The following CNTN5 variants were observed in gnomAD, a reference collection of about 807,000 sequenced individuals.
CNTN5 encodes the protein contactin-5.
CNTN5 carries 77 observed loss-of-function variants against 129.1 expected under a neutral mutation model. That is an observed-to-expected ratio of 0.60 (90% CI 0.50 to 0.72). The LOEUF is 0.72. CNTN5 is among the 30% of genes least tolerant of loss of function. CNTN5 has a pLI of 0.00. For missense variants in CNTN5, 1,478 were observed against 1,328.8 expected (o/e 1.11, Z -1.75); for synonymous variants, 509 against 465.6 (o/e 1.09, Z -1.20).
intron 1 of CNTN5, among the ~76,000 whole-genome samples, chr11:99,222,820 C>T (rs953315622): frequency 9.2e-5 from 14 of 152,104 alleles, no homozygotes; most frequent in African/African-American, 3.4e-4. Context: ...TCTTCCTTGT[C>T]TAGTCGCCAT....
chr11:99,877,283 G>A lies in CNTN5; in HGVS notation c.577+32021G>A, dbSNP rs116445814. On this transcript the variant is annotated intron_variant, in intron 6 of 24. Transcript: ENST00000524871. ...AAATAGTGGCTTAAATACACCGGCAGACAGATCTATCTTTAATTGAACTAC... is the reference window on the plus strand; with the variant it reads ...AAATAGTGGCTTAAATACACCGGCAAACAGATCTATCTTTAATTGAACTAC... Among the ~76,000 whole-genome samples the A allele has an allele frequency of 6.7e-3, 1,022 of 152,276 alleles. 12 individuals carry two copies. Among genetic ancestry groups the A allele is most frequent in the African/African-American group, 0.022 (915 of 41,556 alleles).
intron 1 of CNTN5, among the ~76,000 whole-genome samples, chr11:99,218,126 A>G (rs1860222078): frequency 6.6e-6 from 1 of 152,044 alleles, no homozygotes; most frequent in South Asian, 2.1e-4. Context: ...GCCAAATCTA[A>G]TGGTGGATTA....
chr11:99,755,182 T>C lies in CNTN5; in HGVS notation c.56-64362T>C, dbSNP rs141912609. Among the ~76,000 whole-genome samples, 950 of 152,322 alleles carry C rather than the reference T, an allele frequency of 6.2e-3. 14 individuals are homozygous for C. Among genetic ancestry groups the C allele is most frequent in the African/African-American group, 0.022 (912 of 41,584 alleles). On this transcript the variant is annotated intron_variant, in intron 3 of 24. Transcript: ENST00000524871. ...GTGTTAATTATGAATGAAACTGTTA[T>C]AAACAGCTGTGTACAGATTTTCGCA... is the stretch of plus-strand genomic sequence containing the variant.
Position 99,582,013 on chromosome 11 carries a change from C to A in CNTN5, c.55+25744C>A, listed in dbSNP as rs532015787. On this transcript the variant is annotated intron_variant, in intron 3 of 24. Coordinates refer to ENST00000524871, the MANE Select transcript of CNTN5 (RefSeq NM_014361.4). ...ACTTCCTTCAGGAGCTCTTTTAGGG[C>A]AGGCCTGGTGGTGACAAAATCTCTC... 5.3e-5 allele frequency among the ~76,000 whole-genome samples: 8 copies of A among 152,036 alleles called. No homozygotes were observed. The South Asian group carries it at 1.5e-3, about 28-fold the overall frequency.
intron 15 of CNTN5, among the ~76,000 whole-genome samples, chr11:100,215,959 G>T (rs527528001): frequency 6.6e-6 from 1 of 152,268 alleles, no homozygotes; most frequent in African/African-American, 2.4e-5. Context: ...TGAGACCAGA[G>T]ATCGAAGGTG....
chr11:99,836,280 C>T (rs1338816447), intron 4 of CNTN5, among the ~76,000 whole-genome samples: 4 of 150,118 alleles, frequency 2.7e-5, no homozygotes, highest in Admixed American at 2.7e-4. Context: ...TCTCCTAATG[C>T]TATCCCTCCC....
At chr11:99,036,784 A>G (rs1459934715) in intron 1 of CNTN5, among the ~76,000 whole-genome samples, 1 of 152,186 alleles carries the variant, frequency 6.6e-6, no homozygotes, top group Non-Finnish European at 1.5e-5. Flanking sequence ...AAAAGAAAGT[A>G]TGTTTTTATT....
At chr11:100,216,608 G>C (rs1209907722) in intron 15 of CNTN5, among the ~76,000 whole-genome samples, 2 of 151,674 alleles carry the variant, frequency 1.3e-5, no homozygotes, top group Non-Finnish European at 2.9e-5. Context: ...GTAAATGATG[G>C]CATGAGCAAA....
At chr11:99,751,659 T>C (rs551243585) in intron 3 of CNTN5, among the ~76,000 whole-genome samples, 1 of 152,306 alleles carries the variant, frequency 6.6e-6, no homozygotes, top group African/African-American at 2.4e-5. Context: ...TGTTATTTGC[T>C]CTGTAATAAT....
intron 2 of CNTN5, among the ~76,000 whole-genome samples, chr11:99,444,569 A>C (rs1943982930): frequency 6.6e-6 from 1 of 152,218 alleles, no homozygotes; most frequent in South Asian, 2.1e-4. Flanking sequence ...GCAGATACAA[A>C]ATCTACTGCT....
intron 21 of CNTN5, among the ~76,000 whole-genome samples, chr11:100,321,146 T>C (rs1163570724): frequency 6.6e-6 from 1 of 152,126 alleles, no homozygotes; most frequent in South Asian, 2.1e-4. Flanking sequence ...TTTTAGATAC[T>C]ATGGACATTT....
At chr11:99,989,967 G>A (rs936938590) in intron 8 of CNTN5, among the ~76,000 whole-genome samples, 12 of 152,040 alleles carry the variant, frequency 7.9e-5, no homozygotes, top group South Asian at 2.1e-4. Context: ...GGGTTTCACC[G>A]TGTTAGCCAA....
chr11:99,847,202 C>CT (rs1307613208), intron 6 of CNTN5, among the ~76,000 whole-genome samples: 1 of 152,140 alleles, frequency 6.6e-6, no homozygotes, highest in Non-Finnish European at 1.5e-5. Context: ...ATCATGCCAA[C>CT]TTTTTTCTGC....
At chr11:99,486,691 T>G (rs1420982498) in intron 2 of CNTN5, among the ~76,000 whole-genome samples, 1 of 152,204 alleles carries the variant, frequency 6.6e-6, no homozygotes, top group Non-Finnish European at 1.5e-5. Flanking sequence ...ACTATTTCTT[T>G]CAAATGCAAA....
At chr11:99,944,483 A>G (rs939599598) in intron 7 of CNTN5, among the ~76,000 whole-genome samples, 2 of 152,122 alleles carry the variant, frequency 1.3e-5, no homozygotes, top group African/African-American at 4.8e-5. Flanking sequence ...CACCACTTCT[A>G]TTCAATGTAG....
intron 8 of CNTN5, among the ~76,000 whole-genome samples, chr11:99,988,629 G>T (rs1938848101): frequency 6.6e-6 from 1 of 152,126 alleles, no homozygotes; most frequent in Non-Finnish European, 1.5e-5. Context: ...CAAGATTAAG[G>T]TCTGTAATAC....
intron 21 of CNTN5, among the ~76,000 whole-genome samples, chr11:100,329,686 C>T (rs1951863591): frequency 6.6e-6 from 1 of 152,182 alleles, no homozygotes; most frequent in African/African-American, 2.4e-5. Flanking sequence ...AGCCAGAATA[C>T]CAGTAGCCCT....
rs200006045 is a variant in CNTN5 at position 99,310,827 on chromosome 11, ACTCT to A, written c.-209-14516_-209-14513del. Among the ~76,000 whole-genome samples, 10 of 152,182 alleles carry A rather than the reference ACTCT, an allele frequency of 6.6e-5. No homozygotes were observed. In the East Asian group the frequency reaches 1.4e-3, roughly 21 times the overall value. On this transcript the variant is annotated intron_variant, in intron 1 of 24. Transcript: ENST00000524871. Reference sequence around the variant, plus strand: ...AAAATATCACAATTCATATTTGGTGACTCTCTATTGGTTGAATTATGGCAAATAT... The same window carrying A: ...AAAATATCACAATTCATATTTGGTGACTATTGGTTGAATTATGGCAAATAT...
chr11:99,494,825 C>T (rs1946165122), intron 2 of CNTN5, among the ~76,000 whole-genome samples: 1 of 152,078 alleles, frequency 6.6e-6, no homozygotes, highest in Non-Finnish European at 1.5e-5. Context: ...TAATCTTGAC[C>T]TTAGGGAACT....
Sources: allele counts gnomAD v4.1 joint callset (sites outside exome capture counted in the v4.1 genomes callset), GRCh38; gene constraint gnomAD v4.1.1; transcripts MANE v1.5; gene names NCBI Gene and HGNC (gene_info 2026-07-23, HGNC 2026-07-21).